EAPP: variants seen among roughly 807,000 people sequenced by gnomAD.
EAPP encodes E2F associated phosphoprotein, also known as E2F-associated phosphoprotein.
A neutral mutation model predicts 34.3 loss-of-function variants in EAPP; 38 were observed. The observed-to-expected ratio is 1.11, with a 90% CI of 0.85 to 1.45. The LOEUF is 1.45. Ranked by LOEUF, EAPP falls within the 40% of genes most tolerant of loss-of-function variation. The pLI is 0.00. For synonymous variants in EAPP, 113 were observed against 117.6 expected, an observed-to-expected ratio of 0.96 and a Z score of 0.25; for missense variants, 338 against 343.7, an observed-to-expected ratio of 0.98 and a Z score of 0.13.
At chr14:34,532,818 G>C (rs1880341489) in intron 3 of EAPP, among the ~76,000 whole-genome samples, 1 of 151,828 alleles carries the variant, frequency 6.6e-6, no homozygotes, top group Admixed American at 6.6e-5. Flanking sequence ...GGGATTACAG[G>C]TGCATGGCAC....
intron 2 of EAPP, chr14:34,535,843 G>A: frequency 2.8e-6 from 1 of 353,710 alleles, no homozygotes; most frequent in East Asian, 6.3e-5. Context: ...GCTACAGTGA[G>A]CTATGATCAT....
rs1203359307 is a variant in EAPP, at chr14:34,539,596, G to T, written c.33C>A (p.Tyr11Ter). 1.3e-6 allele frequency: 2 copies of T among 1,590,382 alleles called. No individual in the cohort carries two copies. Among genetic ancestry groups the T allele is most frequent in the Non-Finnish European group, 1.7e-6 (2 of 1,166,864 alleles). The change falls in exon 1 of 6, where the codon TAC becomes TAA. Residue 11 changes from tyrosine to a stop codon, truncating the protein, a stop_gained. Coordinates refer to ENST00000250454, the MANE Select transcript of EAPP (RefSeq NM_018453.4). LOFTEE classifies it high-confidence loss of function. The stretch of plus-strand genomic sequence containing the variant: ...CCTCGTCGCTAGGCTCTTCAACCGC[G>T]TAGGGGTCGTAGTCATCCGGAAGCC... MNRLPDDYDPYAVEEPSDEEP... is the reference protein window; with the variant it reads MNRLPDDYDP
Position 34,518,325 on chromosome 14 carries a change from A to ATTTTTTT in EAPP, c.582-1746_582-1740dup, listed in dbSNP as rs71404852. Among the ~76,000 whole-genome samples the ATTTTTTT allele has an allele frequency of 1.6e-3, 122 of 74,078 alleles. 22 individuals carry two copies. Among genetic ancestry groups the ATTTTTTT allele is most frequent in the African/African-American group, 6.0e-3 (88 of 14,626 alleles). The allele number at this position is 74,078 out of a possible 152,430, so 48.6% of individuals were successfully genotyped here. ...TACTGTATTGTATCTCTCCCTTTAGATTTTTTTTTTTTTTTTTTTTTTTTT... is the reference window on the plus strand; with the variant it reads ...TACTGTATTGTATCTCTCCCTTTAGATTTTTTTTTTTTTTTTTTTTTTTTTTTTTTTT... On this transcript the variant is annotated intron_variant, in intron 5 of 5. Coordinates refer to ENST00000250454, the MANE Select transcript of EAPP (RefSeq NM_018453.4).
intron 4 of EAPP, among the ~76,000 whole-genome samples, chr14:34,527,192 C>T (rs958475600): frequency 3.5e-5 from 5 of 144,588 alleles, no homozygotes; most frequent in South Asian, 4.4e-4. Flanking sequence ...AAAAAATGGC[C>T]TGGCACAATG....
intron 4 of EAPP, among the ~76,000 whole-genome samples, chr14:34,525,434 C>G (rs890407780): frequency 2.7e-5 from 4 of 150,430 alleles, no homozygotes; most frequent in Admixed American, 2.6e-4. Flanking sequence ...GAAAATGGCT[C>G]TCTACTTCTA....
chr14:34,524,711 G>A lies in EAPP; in HGVS notation c.567C>T (p.Cys189=), dbSNP rs373317079. 32 of 1,577,064 alleles carry A rather than the reference G, an allele frequency of 2.0e-5. No homozygotes were observed. The African/African-American group carries it at 4.0e-4, about 20-fold the overall frequency. ...LNCPACMTTL[C]LDCQRHESYK... Reference sequence around the variant, plus strand: ...TCATCCATTACCTTTGGCAATCAAGGCAAAGTGTGGTCATGCAGGCAGGAC... The same window carrying A: ...TCATCCATTACCTTTGGCAATCAAGACAAAGTGTGGTCATGCAGGCAGGAC... Residue 189 remains cysteine, a synonymous_variant, in exon 5 of 6, where the codon TGC becomes TGT. Coordinates refer to ENST00000250454, the MANE Select transcript of EAPP (RefSeq NM_018453.4).
rs192707390 is a variant in EAPP at position 34,527,931 on chromosome 14, A to G, written c.470+1427T>C. Among the ~76,000 whole-genome samples the G allele has an allele frequency of 1.6e-3, 240 of 152,280 alleles. 1 individual carries two copies. Among genetic ancestry groups the G allele is most frequent in the African/African-American group, 5.1e-3 (213 of 41,560 alleles). ...GGTATTAAATGCCACTAAATTGTTCACTTTTAAAGTGGGTACTTTTGTTAT... is the reference window on the plus strand; with the variant it reads ...GGTATTAAATGCCACTAAATTGTTCGCTTTTAAAGTGGGTACTTTTGTTAT... On this transcript the variant is annotated intron_variant, in intron 4 of 5. Coordinates refer to ENST00000250454, the MANE Select transcript of EAPP (RefSeq NM_018453.4).
intron 3 of EAPP, among the ~76,000 whole-genome samples, chr14:34,533,086 G>A (rs1880349363): frequency 6.6e-6 from 1 of 152,072 alleles, no homozygotes; most frequent in Non-Finnish European, 1.5e-5. Flanking sequence ...CCAGGCTGGA[G>A]TGCAATGGTG....
chr14:34,525,635 G>C (rs529412434), intron 4 of EAPP, among the ~76,000 whole-genome samples: 1 of 152,198 alleles, frequency 6.6e-6, no homozygotes, highest in South Asian at 2.1e-4. Context: ...AACTAAAAGT[G>C]ATGTACTATC....
intron 5 of EAPP, among the ~76,000 whole-genome samples, chr14:34,524,247 G>A (rs766169299): frequency 3.4e-4 from 52 of 152,086 alleles, no homozygotes; most frequent in Admixed American, 1.3e-4. Flanking sequence ...AAAATTAGCC[G>A]GGTGTGGTGG....
rs778267360 is a variant in EAPP at position 34,539,643 on chromosome 14, G to C, written c.-15C>G. On this transcript the variant is annotated 5_prime_UTR_variant, in exon 1 of 6. Coordinates refer to ENST00000250454, the MANE Select transcript of EAPP (RefSeq NM_018453.4). ...AGCCGGTTCATGGTGGCCTGCAGCG[G>C]CCTACACCGTCCACAAGCAATTTGC... The C allele has an allele frequency of 2.6e-6, 4 of 1,537,656 alleles. No homozygotes were observed. The highest frequency in any genetic ancestry group is 3.5e-6 in the Non-Finnish European group (4 of 1,143,392).
At chr14:34,532,674 CTTTT>C (rs1382526657) in intron 3 of EAPP, among the ~76,000 whole-genome samples, 1 of 136,056 alleles carries the variant, frequency 7.3e-6, no homozygotes, top group Non-Finnish European at 1.6e-5. Context: ...GTGTCCCCAG[CTTTT>C]TTTTTTTTTT....
intron 5 of EAPP, among the ~76,000 whole-genome samples, chr14:34,522,107 T>C (rs1879938147): frequency 6.6e-6 from 1 of 152,072 alleles, no homozygotes; most frequent in South Asian, 2.1e-4. Flanking sequence ...TATAAGCGTA[T>C]GCCAAGACAC....
chr14:34,533,576 A>G (rs1566450570), intron 2 of EAPP, 37 bp from the exon 3 acceptor site: 2 of 1,412,698 alleles, frequency 1.4e-6, no homozygotes, highest in African/African-American at 2.9e-5. Flanking sequence ...AGACTAAATC[A>G]TACATAATTC....
intron 3 of EAPP, among the ~76,000 whole-genome samples, chr14:34,532,976 C>T (rs1322512444): frequency 6.8e-6 from 1 of 147,246 alleles, no homozygotes; most frequent in African/African-American, 2.5e-5. Context: ...CATGCCCAGC[C>T]CCCAGTTTTT....
intron 4 of EAPP, among the ~76,000 whole-genome samples, chr14:34,528,189 C>T (rs1447758606): frequency 6.6e-6 from 1 of 151,624 alleles, no homozygotes; most frequent in African/African-American, 2.4e-5. Flanking sequence ...GCACACACCA[C>T]CATGCCAAGG....
intron 1 of EAPP, among the ~76,000 whole-genome samples, chr14:34,538,705 C>T (rs1389362906): frequency 6.6e-6 from 1 of 152,150 alleles, no homozygotes; most frequent in Non-Finnish European, 1.5e-5. Flanking sequence ...GCATGGGCCA[C>T]CACACCCAGC....
Position 34,516,413 on chromosome 14 carries a change from T to C in EAPP, c.755A>G (p.Glu252Gly), listed in dbSNP as rs1371931626. Residue 252 changes from glutamate (E) to glycine (G), a missense_variant, in exon 6 of 6, where the codon GAA becomes GGA. Transcript: ENST00000250454. ...AGTGCACATGACTGGGTGATAGATT[T>C]CTTCCACATCTGTCTCTGCCTTCTC... ...AAEKAETDVE[E>G]IYHPVMCTEC... 6.2e-7 allele frequency: 1 copy of C among 1,614,096 alleles called. No homozygotes were observed. Among genetic ancestry groups the C allele is most frequent in the African/African-American group, 1.3e-5 (1 of 74,948 alleles).
At chr14:34,520,039 C>A (rs905629632) in intron 5 of EAPP, among the ~76,000 whole-genome samples, 7 of 151,160 alleles carry the variant, frequency 4.6e-5, no homozygotes, top group African/African-American at 1.7e-4. Flanking sequence ...GTGTCCGCCA[C>A]GACTTCCGGC....
Sources: allele counts gnomAD v4.1 joint callset (sites outside exome capture counted in the v4.1 genomes callset), GRCh38; gene constraint gnomAD v4.1.1; transcripts MANE v1.5; gene names NCBI Gene and HGNC (gene_info 2026-07-23, HGNC 2026-07-21).